The following ARHGEF7 variants were observed in gnomAD, a reference collection of about 807,000 sequenced individuals.
The protein encoded by ARHGEF7 is Rho guanine nucleotide exchange factor 7.
In ARHGEF7, 33 loss-of-function variants were observed where a neutral mutation model predicts 109.8. The observed-to-expected ratio is 0.30, with a 90% confidence interval of 0.23 to 0.40. The LOEUF is 0.40. Among genes scored for constraint, ARHGEF7 ranks in the 10% least tolerant of loss-of-function variants. The pLI, the probability that ARHGEF7 is intolerant of heterozygous loss-of-function variation, is 1.00. For synonymous variants in ARHGEF7, 458 were observed against 424.6 expected, an observed-to-expected ratio of 1.08 and a Z score of -0.97; for missense variants, 938 against 1,098.5, an observed-to-expected ratio of 0.85 and a Z score of 2.07.
At chr13:111,295,317 T>C in intron 19 of ARHGEF7, 1 of 499,432 alleles carries the variant, frequency 2.0e-6, no homozygotes, top group Non-Finnish European at 2.6e-6. Context: ...GATAGAACCC[T>C]TCTGTCTGCC....
intron 6 of ARHGEF7, among the ~76,000 whole-genome samples, chr13:111,237,721 G>A (rs547932181): frequency 6.6e-6 from 1 of 152,336 alleles, no homozygotes; most frequent in Admixed American, 6.5e-5. Flanking sequence ...AAGTGTACAT[G>A]AGGCTTTAAA....
chr13:111,304,477 A>C lies in ARHGEF7; in HGVS notation c.*1364A>C, dbSNP rs995604684. On this transcript the variant is annotated 3_prime_UTR_variant, in exon 22 of 22. Coordinates refer to ENST00000646102, the MANE Select transcript of ARHGEF7 (RefSeq NM_001354046.2). ...CAAGTGTTCTATCTTTAAAAACCCA[A>C]ATTGCAGCACCGTGGATTACTGGTC... The C allele has an allele frequency of 6.6e-6, 1 of 152,260 alleles. No homozygotes were observed. Among genetic ancestry groups the C allele is most frequent in the African/African-American group, 2.4e-5 (1 of 41,466 alleles). 9.4% of individuals were successfully genotyped at this position (152,260 alleles called of 1,614,324 possible).
At chr13:111,229,480 C>T (rs544528999) in intron 5 of ARHGEF7, among the ~76,000 whole-genome samples, 3 of 152,120 alleles carry the variant, frequency 2.0e-5, no homozygotes, top group East Asian at 1.9e-4. Context: ...GTCTTCATGG[C>T]GCCTTTTTTA....
At chr13:111,279,980 G>C (rs2092697729) in intron 13 of ARHGEF7, among the ~76,000 whole-genome samples, 1 of 152,114 alleles carries the variant, frequency 6.6e-6, no homozygotes, top group Non-Finnish European at 1.5e-5. Context: ...GATGTCTTTT[G>C]TCCTGGTGTC....
At chr13:111,127,452 C>T (rs976353604) in intron 1 of ARHGEF7, among the ~76,000 whole-genome samples, 7 of 151,798 alleles carry the variant, frequency 4.6e-5, no homozygotes, top group African/African-American at 1.7e-4. Flanking sequence ...GAGTTTGAGA[C>T]CAGCCTGAGC....
In ARHGEF7 at chr13:111,241,224, G is replaced by A. The variant is rs1421132620; in HGVS notation, c.760-2648G>A. On this transcript the variant is annotated intron_variant, in intron 6 of 21. Coordinates refer to ENST00000646102, the MANE Select transcript of ARHGEF7 (RefSeq NM_001354046.2). ...TGCCTTTTCTTTGAAAACTGCCTGC[G>A]TCCTCTGGGTTCCCAGCGTTGGTGG... 22 of 1,536,148 alleles carry A rather than the reference G, an allele frequency of 1.4e-5. No individual in the cohort carries two copies. The East Asian group carries it at 3.7e-4, about 26-fold the overall frequency.
At chr13:111,274,637 G>C in intron 10 of ARHGEF7, 94 bp from the exon 11 acceptor site, 1 of 607,756 alleles carries the variant, frequency 1.6e-6, no homozygotes, top group Non-Finnish European at 2.7e-6. Context: ...GGGTTGAAAA[G>C]TGTTAGAAAA....
At chr13:111,171,953 C>A (rs1281743770) in intron 2 of ARHGEF7, among the ~76,000 whole-genome samples, 3 of 152,204 alleles carry the variant, frequency 2.0e-5, no homozygotes, top group Non-Finnish European at 4.4e-5. Flanking sequence ...AATACTGAAT[C>A]AGTCCATGCC....
chr13:111,221,493 A>ATATATATATC (rs1491588738), intron 5 of ARHGEF7, among the ~76,000 whole-genome samples: 3 of 43,584 alleles, frequency 6.9e-5, no homozygotes, highest in South Asian at 1.4e-3. Context: ...ATATATAGAC[A>ATATATATATC]TATATATATC....
chr13:111,286,477 C>T (rs978214411), intron 17 of ARHGEF7, among the ~76,000 whole-genome samples: 4 of 152,190 alleles, frequency 2.6e-5, no homozygotes, highest in Non-Finnish European at 4.4e-5. Context: ...GCCTTATAGC[C>T]CCTTCCTCAT....
At chr13:111,169,011 C>G (rs1202759869) in intron 2 of ARHGEF7, among the ~76,000 whole-genome samples, 3 of 152,204 alleles carry the variant, frequency 2.0e-5, no homozygotes, top group Non-Finnish European at 2.9e-5. Flanking sequence ...ATCAGTAGTT[C>G]TGAACTTTTT....
At chr13:111,299,642 G>A (rs1319438032) in intron 19 of ARHGEF7, among the ~76,000 whole-genome samples, 2 of 152,272 alleles carry the variant, frequency 1.3e-5, no homozygotes, top group African/African-American at 4.8e-5. Context: ...GCACCCGGCT[G>A]AAGCCATTCT....
At chr13:111,213,361 G>A (rs894667155) in intron 4 of ARHGEF7, among the ~76,000 whole-genome samples, 13 of 152,132 alleles carry the variant, frequency 8.5e-5, no homozygotes, top group African/African-American at 3.1e-4. Flanking sequence ...TTATTGACAC[G>A]TAACGTACAT....
intron 2 of ARHGEF7, among the ~76,000 whole-genome samples, chr13:111,190,908 C>G (rs1255219296): frequency 6.6e-6 from 1 of 152,130 alleles, no homozygotes; most frequent in African/African-American, 2.4e-5. Flanking sequence ...GCCAAGGTAG[C>G]TCTGGTGAGT....
Position 111,217,750 on chromosome 13 carries a change from C to T in ARHGEF7, c.540C>T (p.Asp180=), listed in dbSNP as rs550206678. The T allele has an allele frequency of 3.3e-5, 53 of 1,614,184 alleles. No homozygotes were observed. In the East Asian group the frequency reaches 1.0e-3, roughly 31 times the overall value. ...AKFNFQQTNE[D]ELSFSKGDVI... is the part of the protein sequence containing the mutation. ...TTAACTTCCAGCAGACCAATGAGGA[C>T]GAGCTTTCCTTCTCAAAAGGAGACG... Residue 180 remains aspartate, a synonymous_variant, in exon 5 of 22, where the codon GAC becomes GAT. Coordinates refer to ENST00000646102, the MANE Select transcript of ARHGEF7 (RefSeq NM_001354046.2).
At chr13:111,211,267 A>G (rs1054492710) in intron 4 of ARHGEF7, among the ~76,000 whole-genome samples, 5 of 152,184 alleles carry the variant, frequency 3.3e-5, no homozygotes, top group Non-Finnish European at 5.9e-5. Context: ...AAAGAGGACT[A>G]AACAAACCAC....
At chr13:111,221,245 C>A (rs1332848587) in intron 5 of ARHGEF7, among the ~76,000 whole-genome samples, 4 of 31,626 alleles carry the variant, frequency 1.3e-4, no homozygotes, top group African/African-American at 5.4e-4. Flanking sequence ...ATATATATGT[C>A]TATATATATC....
chr13:111,233,747 C>T (rs985358920), intron 6 of ARHGEF7, among the ~76,000 whole-genome samples: 2 of 152,096 alleles, frequency 1.3e-5, no homozygotes, highest in Non-Finnish European at 2.9e-5. Flanking sequence ...TATCACATGG[C>T]GTAGAATTAG....
chr13:111,287,956 G>A (rs1387454244), intron 17 of ARHGEF7, among the ~76,000 whole-genome samples: 1 of 152,216 alleles, frequency 6.6e-6, no homozygotes, highest in East Asian at 1.9e-4. Context: ...GTGGAAACAC[G>A]AAAATGTTTT....
Sources: allele counts gnomAD v4.1 joint callset (sites outside exome capture counted in the v4.1 genomes callset), GRCh38; gene constraint gnomAD v4.1.1; transcripts MANE v1.5; gene names NCBI Gene and HGNC (gene_info 2026-07-23, HGNC 2026-07-21).